FAM135A: variants seen among roughly 807,000 people sequenced by gnomAD.
FAM135A encodes the protein protein FAM135A.
Under a neutral mutation model 146.8 loss-of-function variants are expected in FAM135A, and 79 were observed. The ratio of observed to expected loss-of-function variants is 0.54; its 90% CI spans 0.45 to 0.65. The LOEUF is 0.65. Ranked by LOEUF, FAM135A falls within the 30% of genes least tolerant of loss-of-function variation. The probability of loss-of-function intolerance (pLI) is 0.00; values close to 1 mark genes in which losing one functional copy is unlikely to be tolerated. For synonymous variants in FAM135A, 562 were observed against 603.6 expected (o/e 0.93, Z 1.01); for missense variants, 1,623 against 1,758.2 (o/e 0.92, Z 1.38).
At chr6:70,513,974 G>GTTT (rs1254307291) in intron 12 of FAM135A, among the ~76,000 whole-genome samples, 2 of 149,250 alleles carry the variant, frequency 1.3e-5, no homozygotes, top group Non-Finnish European at 3.0e-5. Context: ...CAGTTTTATT[G>GTTT]TTTTTGTTGT....
intron 5 of FAM135A, among the ~76,000 whole-genome samples, chr6:70,470,361 T>A (rs963407259): frequency 2.0e-5 from 3 of 150,796 alleles, no homozygotes; most frequent in Non-Finnish European, 2.9e-5. Context: ...TACTATTACT[T>A]CTTTTTTTTT....
chr6:70,429,165 C>T (rs1176580345), intron 4 of FAM135A, among the ~76,000 whole-genome samples: 1 of 152,082 alleles, frequency 6.6e-6, no homozygotes, highest in East Asian at 1.9e-4. Context: ...CAGCATGATT[C>T]AGTACAGCCA....
chr6:70,430,347 CAAAA>C (rs963845248), intron 4 of FAM135A, among the ~76,000 whole-genome samples: 11 of 149,646 alleles, frequency 7.4e-5, no homozygotes, highest in East Asian at 2.0e-4. Context: ...AAAAAAAAAA[CAAAA>C]AAAGAAAGAG....
intron 4 of FAM135A, among the ~76,000 whole-genome samples, chr6:70,450,400 A>C (rs1193460651): frequency 6.6e-6 from 1 of 152,148 alleles, no homozygotes; most frequent in Non-Finnish European, 1.5e-5. Flanking sequence ...TTACAGTTTC[A>C]GGTCTTATAT....
intron 2 of FAM135A, among the ~76,000 whole-genome samples, chr6:70,419,074 A>G (rs1768183856): frequency 6.6e-6 from 1 of 152,246 alleles, no homozygotes; most frequent in African/African-American, 2.4e-5. Flanking sequence ...CATGACTGTT[A>G]CAATAATACT....
chr6:70,467,164 A>G (rs186871504), intron 5 of FAM135A, among the ~76,000 whole-genome samples: 3,066 of 152,260 alleles, frequency 0.02, 44 homozygotes, highest in Middle Eastern at 0.037. Flanking sequence ...TACCCTTAAC[A>G]GTTATTTGGA....
chr6:70,487,114 A>C (rs1193844652), intron 10 of FAM135A, among the ~76,000 whole-genome samples: 4 of 149,074 alleles, frequency 2.7e-5, no homozygotes, highest in Non-Finnish European at 5.9e-5. Context: ...AAAAAGCTTT[A>C]AAAAAAGAAA....
chr6:70,460,146 G>A (rs1461848429), intron 5 of FAM135A, among the ~76,000 whole-genome samples: 2 of 152,132 alleles, frequency 1.3e-5, no homozygotes, highest in South Asian at 2.1e-4. Flanking sequence ...CCTCCATAGG[G>A]ACATTGTCAA....
chr6:70,488,232 T>C (rs1025751373), intron 10 of FAM135A, among the ~76,000 whole-genome samples: 1 of 152,126 alleles, frequency 6.6e-6, no homozygotes, highest in Non-Finnish European at 1.5e-5. Context: ...TATATCATGA[T>C]GCACCCACAT....
At chr6:70,460,871 A>ACT (rs979350791) in intron 5 of FAM135A, among the ~76,000 whole-genome samples, 11 of 141,976 alleles carry the variant, frequency 7.7e-5, no homozygotes, top group Non-Finnish European at 9.0e-5. Flanking sequence ...TTTTAAGTAG[A>ACT]CTCTCACAAT....
intron 11 of FAM135A, among the ~76,000 whole-genome samples, chr6:70,500,302 A>C (rs1249024086): frequency 6.6e-6 from 1 of 151,998 alleles, no homozygotes; most frequent in Non-Finnish European, 1.5e-5. Flanking sequence ...TGCTTCATGA[A>C]GTTCTCGTGT....
intron 20 of FAM135A, among the ~76,000 whole-genome samples, chr6:70,551,338 GGTGGCTCACGCCT>G (rs2128485107): frequency 6.6e-6 from 1 of 152,282 alleles, no homozygotes; most frequent in Non-Finnish European, 1.5e-5. Context: ...AGCCAGGCAT[GGTGGCTCACGCCT>G]GTAATTCCAG....
At chr6:70,464,750 T>C (rs1489682573) in intron 5 of FAM135A, among the ~76,000 whole-genome samples, 1 of 141,090 alleles carries the variant, frequency 7.1e-6, no homozygotes, top group African/African-American at 2.7e-5. Flanking sequence ...CACTGCAACC[T>C]CCGTCTTCCC....
intron 2 of FAM135A, among the ~76,000 whole-genome samples, chr6:70,423,351 G>C (rs1171669039): frequency 6.6e-6 from 1 of 152,134 alleles, no homozygotes; most frequent in Non-Finnish European, 1.5e-5. Flanking sequence ...CTGAAGAGGG[G>C]GAATATATTA....
At chr6:70,511,679 G>A (rs977635590) in intron 12 of FAM135A, among the ~76,000 whole-genome samples, 2 of 151,754 alleles carry the variant, frequency 1.3e-5, no homozygotes, top group African/African-American at 4.8e-5. Context: ...TTAATGATTA[G>A]GATACTTTCT....
intron 3 of FAM135A, among the ~76,000 whole-genome samples, chr6:70,427,935 G>A (rs1171743867): frequency 6.6e-6 from 1 of 152,092 alleles, no homozygotes; most frequent in Admixed American, 6.5e-5. Context: ...TTACTTACAT[G>A]TGCAATGTAG....
intron 5 of FAM135A, among the ~76,000 whole-genome samples, chr6:70,463,965 G>A (rs1398606995): frequency 6.6e-6 from 1 of 152,188 alleles, no homozygotes; most frequent in African/African-American, 2.4e-5. Context: ...GCAGTTAAGA[G>A]ATTATCACAT....
At chr6:70,540,945 T>C (rs1177558519) in intron 20 of FAM135A, among the ~76,000 whole-genome samples, 5 of 152,196 alleles carry the variant, frequency 3.3e-5, no homozygotes, top group Non-Finnish European at 7.4e-5. Flanking sequence ...TTTTCACTGC[T>C]CCCTTCATTT....
intron 12 of FAM135A, 25 bp downstream of exon 12, chr6:70,502,816 GA>G (rs1238394095): frequency 1.3e-6 from 2 of 1,595,450 alleles, no homozygotes; most frequent in Non-Finnish European, 1.7e-6. Flanking sequence ...AGTGATTTTA[GA>G]GCATTTTAAT....
Sources: gnomAD v4.1 joint callset for allele counts (sites outside exome capture counted in the v4.1 genomes callset) on GRCh38, gnomAD v4.1.1 for gene constraint, MANE v1.5 for transcripts, NCBI Gene and HGNC (gene_info 2026-07-23, HGNC 2026-07-21) for gene names.